The following BRF1 variants were observed in gnomAD, a reference collection of about 807,000 sequenced individuals.
BRF1 encodes the protein transcription factor IIIB 90 kDa subunit.
A neutral mutation model predicts 81.7 loss-of-function variants in BRF1; 59 were observed. The observed-to-expected ratio is 0.72, with a 90% CI of 0.59 to 0.90. The LOEUF (loss-of-function observed/expected upper bound fraction) is 0.90. Among genes scored for constraint, BRF1 ranks in the 40% least tolerant of loss-of-function variants. The probability of loss-of-function intolerance (pLI) is 0.00; values close to 1 mark genes in which losing one functional copy is unlikely to be tolerated. For synonymous variants in BRF1, 491 were observed against 395.6 expected (o/e 1.24, Z -2.86); for missense variants, 1,050 against 936.3 (o/e 1.12, Z -1.58).
At chr14:105,303,449 T>A (rs2058093932), upstream of BRF1, among the ~76,000 whole-genome samples, 1 of 152,122 alleles carries the variant, frequency 6.6e-6, no homozygotes, top group African/African-American at 2.4e-5. Flanking sequence ...TTCACTGTGT[T>A]AGCCAGGATG....
intron 2 of BRF1, among the ~76,000 whole-genome samples, chr14:105,273,854 G>A (rs1034508570): frequency 6.6e-6 from 1 of 152,210 alleles, no homozygotes; most frequent in Non-Finnish European, 1.5e-5. Context: ...ATATGGCCTC[G>A]TGGGATGAGA....
intron 5 of BRF1, among the ~76,000 whole-genome samples, chr14:105,243,596 C>T (rs1469989229): frequency 6.9e-6 from 1 of 144,718 alleles, no homozygotes; most frequent in African/African-American, 2.6e-5. Flanking sequence ...CAGGCCTGGG[C>T]AACAGAAAAA....
At chr14:105,245,019 T>G (rs1264088765) in intron 5 of BRF1, among the ~76,000 whole-genome samples, 1 of 151,746 alleles carries the variant, frequency 6.6e-6, no homozygotes. Flanking sequence ...GAAATTAAAG[T>G]TCAATCCTTC....
intron 5 of BRF1, among the ~76,000 whole-genome samples, chr14:105,242,976 C>T (rs137929966): frequency 6.6e-5 from 10 of 150,590 alleles, no homozygotes; most frequent in Non-Finnish European, 1.3e-4. Context: ...ATGAGCTGGG[C>T]GTGGTGGTGC....
intron 2 of BRF1, among the ~76,000 whole-genome samples, chr14:105,279,365 A>G (rs1258825334): frequency 6.6e-6 from 1 of 152,246 alleles, no homozygotes; most frequent in African/African-American, 2.4e-5. Flanking sequence ...TGTAAGAAAA[A>G]GACAACTCAG....
chr14:105,229,628 T>C (rs963335078), intron 6 of BRF1, among the ~76,000 whole-genome samples: 33 of 151,068 alleles, frequency 2.2e-4, no homozygotes, highest in Non-Finnish European at 4.3e-4. Flanking sequence ...ACTAGAACAG[T>C]CGCCCAGCTG....
In BRF1 at chr14:105,217,676, C is replaced by A; in HGVS notation, c.1640G>T (p.Ser547Ile). 1 of 1,613,416 alleles carries A rather than the reference C, an allele frequency of 6.2e-7. No homozygotes were observed. The highest frequency in any genetic ancestry group is 8.5e-7 in the Non-Finnish European group (1 of 1,180,030). The change falls in exon 15 of 18, where the codon AGC (serine) becomes ATC (isoleucine). Residue 547 changes from serine to isoleucine, a missense_variant. Ser to Ile is a moderately radical substitution (Grantham distance 142). Transcript: ENST00000547530. Reference protein sequence around the residue: ...KINYSVLRGLSSAGGGSPHRE... With the variant: ...KINYSVLRGLISAGGGSPHRE... ...GTGCGGACTGCCCCCGCCGGCGCTGCTGAGGCCCCGGAGCACGCTATAATT... is the reference window on the plus strand; with the variant it reads ...GTGCGGACTGCCCCCGCCGGCGCTGATGAGGCCCCGGAGCACGCTATAATT...
chr14:105,247,770 C>T, intron 5 of BRF1: 1 of 985,544 alleles, frequency 1.0e-6, no homozygotes, highest in Non-Finnish European at 1.2e-6. Context: ...GACAGCCAGG[C>T]CTCTGGAGCT....
chr14:105,255,573 C>A (rs1468786066), intron 4 of BRF1, among the ~76,000 whole-genome samples: 1 of 152,186 alleles, frequency 6.6e-6, no homozygotes, highest in Non-Finnish European at 1.5e-5. Flanking sequence ...ACTGTGGTCA[C>A]AACTGTTTTC....
chr14:105,220,717 GC>G (rs1892148779), intron 11 of BRF1, among the ~76,000 whole-genome samples: 1 of 152,204 alleles, frequency 6.6e-6, no homozygotes, highest in African/African-American at 2.4e-5. Context: ...CCTTGCCACA[GC>G]CCCACGCCAT....
At chr14:105,264,481 A>G (rs1312578559) in intron 3 of BRF1, among the ~76,000 whole-genome samples, 1 of 151,822 alleles carries the variant, frequency 6.6e-6, no homozygotes, top group Non-Finnish European at 1.5e-5. Context: ...TGGCTAACAC[A>G]GTGAAACACC....
intron 15 of BRF1, among the ~76,000 whole-genome samples, chr14:105,214,278 G>A (rs926586684): frequency 2.0e-5 from 3 of 152,264 alleles, no homozygotes; most frequent in African/African-American, 4.8e-5. Flanking sequence ...CCTGTCCCCA[G>A]AGTGGGACGC....
At chr14:105,214,522 C>CTGCGTGGCCCACCCG (rs1890740165) in intron 15 of BRF1, among the ~76,000 whole-genome samples, 1 of 70,926 alleles carries the variant, frequency 1.4e-5, no homozygotes, top group Non-Finnish European at 2.9e-5. Context: ...GCCCACACCC[C>CTGCGTGGCCCACCCG]TGCGTGGCTC....
In BRF1 at chr14:105,309,372, G is replaced by GCTA. The variant is rs1006036688; in HGVS notation, c.-162+5947_-162+5949dup. Among the ~76,000 whole-genome samples, 72 of 152,282 alleles carry GCTA rather than the reference G, an allele frequency of 4.7e-4. 1 individual carries two copies. Among genetic ancestry groups the GCTA allele is most frequent in the African/African-American group, 1.6e-3 (66 of 41,540 alleles). On this transcript the variant is annotated intron_variant, in intron 1 of 17. Coordinates refer to the BRF1 transcript ENST00000327359. This position sits in a 1 kb window ranked among gnomAD's most constrained non-coding sequence, Gnocchi z 4.0. ...ACATATCTGAGAATTTCCCCATGTT[G>GCTA]CTAAAACTGAGGCAGCGTTCCGTTT...
chr14:105,220,866 G>T (rs1019907842), intron 11 of BRF1, among the ~76,000 whole-genome samples: 7 of 152,308 alleles, frequency 4.6e-5, no homozygotes, highest in Admixed American at 2.0e-4. Flanking sequence ...CTCAGCTCCA[G>T]CCAGAATGGC....
chr14:105,242,317 G>C (rs940363802), intron 5 of BRF1: 4 of 152,184 alleles, frequency 2.6e-5, no homozygotes, highest in Admixed American at 2.6e-4. Flanking sequence ...GATTTGTGGT[G>C]ATTTGGCTGC....
intron 10 of BRF1, chr14:105,222,384 C>G (rs905180175): frequency 6.4e-6 from 1 of 155,226 alleles, no homozygotes; most frequent in Non-Finnish European, 1.4e-5. Context: ...CAAGAAAACA[C>G]AACCCAATTA....
chr14:105,229,606 C>A (rs587598908), intron 6 of BRF1, among the ~76,000 whole-genome samples: 2 of 152,230 alleles, frequency 1.3e-5, no homozygotes, highest in East Asian at 3.8e-4. Flanking sequence ...CCTGGGGGGT[C>A]ACAGAGGTCC....
At chr14:105,245,026 C>T (rs910589043) in intron 5 of BRF1, among the ~76,000 whole-genome samples, 4 of 152,016 alleles carry the variant, frequency 2.6e-5, no homozygotes, top group Admixed American at 2.6e-4. Flanking sequence ...AAGTTCAATC[C>T]TTCAGGTAAC....
Sources: allele counts gnomAD v4.1 joint callset (sites outside exome capture counted in the v4.1 genomes callset), GRCh38; gene constraint gnomAD v4.1.1; non-coding constraint Gnocchi (gnomAD v3.1); transcripts MANE v1.5; gene names NCBI Gene and HGNC (gene_info 2026-07-23, HGNC 2026-07-21).